The following ROBO2 variants were observed in gnomAD, a reference collection of about 807,000 sequenced individuals.
ROBO2 encodes roundabout guidance receptor 2, also known as roundabout homolog 2.
A neutral mutation model predicts 160.8 loss-of-function variants in ROBO2; 53 were observed. The observed-to-expected ratio is 0.33, with a 90% CI of 0.26 to 0.41. ROBO2 has a LOEUF of 0.41. Among genes scored for constraint, ROBO2 ranks in the 10% least tolerant of loss-of-function variants. ROBO2 has a pLI of 1.00. For missense variants in ROBO2, 1,577 were observed against 1,722.4 expected, an observed-to-expected ratio of 0.92 and a Z score of 1.49; for synonymous variants, 664 against 611.7, an observed-to-expected ratio of 1.09 and a Z score of -1.26.
chr3:76,184,627 A>AT (rs1701660277), intron 2 of ROBO2, among the ~76,000 whole-genome samples: 1 of 152,064 alleles, frequency 6.6e-6, no homozygotes, highest in Non-Finnish European at 1.5e-5. Context: ...TTGGCTCATG[A>AT]GTTCTGGAGG....
At chr3:76,970,556 T>C (rs924167196) in intron 2 of ROBO2, among the ~76,000 whole-genome samples, 1 of 152,088 alleles carries the variant, frequency 6.6e-6, no homozygotes, top group African/African-American at 2.4e-5. Flanking sequence ...CCAGCTTAAA[T>C]CTACAAGCTG....
At chr3:77,383,014 T>C (rs540540571) in intron 2 of ROBO2, among the ~76,000 whole-genome samples, 36 of 152,342 alleles carry the variant, frequency 2.4e-4, no homozygotes, top group African/African-American at 8.7e-4. Context: ...TGTTACTTTT[T>C]ACAAGTATCT....
In ROBO2 at chr3:77,519,096, C is replaced by A. The variant is rs1037939582; in HGVS notation, c.807-3679C>A. On this transcript the variant is annotated intron_variant, in intron 5 of 25. Coordinates refer to ENST00000461745, the Ensembl canonical transcript of ROBO2. Reference sequence around the variant, plus strand: ...CTTTTATTAATTGTTAAGATTAATTCATTTTATTCTTCCCAAGTAATATTT... The same window carrying A: ...CTTTTATTAATTGTTAAGATTAATTAATTTTATTCTTCCCAAGTAATATTT... Among the ~76,000 whole-genome samples the A allele has an allele frequency of 7.3e-5, 11 of 151,462 alleles. No individual in the cohort carries two copies. The South Asian group carries it at 2.3e-3, about 31-fold the overall frequency.
At chr3:77,588,107 A>C (rs2094098224) in intron 16 of ROBO2, among the ~76,000 whole-genome samples, 1 of 152,040 alleles carries the variant, frequency 6.6e-6, no homozygotes, top group African/African-American at 2.4e-5. Context: ...TGGATTTTCA[A>C]ATTAGTTTCA....
chr3:77,013,216 G>A (rs2062023059), intron 2 of ROBO2, among the ~76,000 whole-genome samples: 1 of 152,040 alleles, frequency 6.6e-6, no homozygotes, highest in Non-Finnish European at 1.5e-5. Context: ...TTTGGAAAGA[G>A]AGTAGAAAAA....
chr3:77,430,493 C>T (rs539397958), intron 2 of ROBO2, among the ~76,000 whole-genome samples: 1 of 152,142 alleles, frequency 6.6e-6, no homozygotes, highest in Non-Finnish European at 1.5e-5. Flanking sequence ...ACACAATTTA[C>T]AAATAATAAA....
chr3:76,808,849 A>G (rs1467173644), intron 2 of ROBO2, among the ~76,000 whole-genome samples: 5 of 152,070 alleles, frequency 3.3e-5, no homozygotes, highest in Non-Finnish European at 5.9e-5. Flanking sequence ...GAATGAAAAA[A>G]TTCATGCAAA....
intron 2 of ROBO2, among the ~76,000 whole-genome samples, chr3:75,975,139 C>T (rs532582101): frequency 6.6e-6 from 1 of 151,424 alleles, no homozygotes; most frequent in Non-Finnish European, 1.5e-5. Flanking sequence ...AAATAGTTGG[C>T]AGATATCTAG....
At chr3:77,158,007 C>T (rs2078163191) in intron 2 of ROBO2, among the ~76,000 whole-genome samples, 1 of 152,074 alleles carries the variant, frequency 6.6e-6, no homozygotes, top group South Asian at 2.1e-4. Context: ...ATAATTACAA[C>T]TCAAAATTCT....
chr3:76,006,582 T>G (rs1307607755), intron 2 of ROBO2, among the ~76,000 whole-genome samples: 2 of 152,126 alleles, frequency 1.3e-5, no homozygotes, highest in Non-Finnish European at 2.9e-5. Context: ...GATTGATAGT[T>G]TATTACATCT....
intron 6 of ROBO2, among the ~76,000 whole-genome samples, chr3:77,535,164 C>T (rs1241745331): frequency 6.6e-6 from 1 of 151,886 alleles, no homozygotes; most frequent in African/African-American, 2.4e-5. Context: ...AACCCTTCAG[C>T]ATCAGTACAT....
chr3:76,331,372 A>C (rs183987628), intron 2 of ROBO2, among the ~76,000 whole-genome samples: 1 of 152,286 alleles, frequency 6.6e-6, no homozygotes, highest in Admixed American at 6.5e-5. Flanking sequence ...ATATATAACA[A>C]TTCCAGTTTA....
At chr3:76,033,293 TAC>T (rs34043265) in intron 2 of ROBO2, among the ~76,000 whole-genome samples, 31,471 of 148,878 alleles carry the variant, frequency 0.21, 3,883 homozygotes, top group African/African-American at 0.36. Flanking sequence ...CTGTGACACA[TAC>T]ACACACACAC....
intron 2 of ROBO2, among the ~76,000 whole-genome samples, chr3:76,522,502 G>C (rs772477402): frequency 6.6e-6 from 1 of 152,130 alleles, no homozygotes; most frequent in Non-Finnish European, 1.5e-5. Context: ...AATACAAACA[G>C]ACAAGTTCTT....
intron 2 of ROBO2, among the ~76,000 whole-genome samples, chr3:77,031,605 C>A (rs2063328390): frequency 7.0e-6 from 1 of 143,082 alleles, no homozygotes; most frequent in African/African-American, 2.5e-5. Flanking sequence ...ATAAGTATAT[C>A]ACATTATTGA....
intron 2 of ROBO2, among the ~76,000 whole-genome samples, chr3:76,404,914 T>C (rs961035545): frequency 2.0e-5 from 3 of 151,610 alleles, no homozygotes; most frequent in African/African-American, 4.8e-5. Flanking sequence ...TCTGTCTTGT[T>C]TGAATAATGG....
intron 2 of ROBO2, among the ~76,000 whole-genome samples, chr3:75,973,593 GA>G (rs1486520899): frequency 6.6e-6 from 1 of 151,504 alleles, no homozygotes. Context: ...ACCTGAATAT[GA>G]ACATAAAGGA....
intron 2 of ROBO2, among the ~76,000 whole-genome samples, chr3:76,559,074 C>A (rs1176336614): frequency 6.6e-6 from 1 of 152,020 alleles, no homozygotes; most frequent in African/African-American, 2.4e-5. Flanking sequence ...TATTTACATA[C>A]GGGGCAATTC....
In ROBO2 at chr3:77,016,725, G is replaced by A. The variant is rs116558342; in HGVS notation, c.110-81289G>A. Among the ~76,000 whole-genome samples, 852 of 152,204 alleles carry A rather than the reference G, an allele frequency of 5.6e-3. 3 individuals carry two copies. Among genetic ancestry groups the A allele is most frequent in the Non-Finnish European group, 8.5e-3 (581 of 68,002 alleles). The stretch of plus-strand genomic sequence containing the variant: ...TGCAGTTCACAGAAGAGCTTTGCCC[G>A]AGGCCACACCGCCAGGAGTGTTAGG... On this transcript the variant is annotated intron_variant, in intron 2 of 26. Coordinates refer to the ROBO2 transcript ENST00000487694.
Sources: gnomAD v4.1 joint callset for allele counts (sites outside exome capture counted in the v4.1 genomes callset) on GRCh38, gnomAD v4.1.1 for gene constraint, MANE v1.5 for transcripts, NCBI Gene and HGNC (gene_info 2026-07-23, HGNC 2026-07-21) for gene names.